ZHX3: variants seen among roughly 807,000 people sequenced by gnomAD.
ZHX3 encodes the protein zinc fingers and homeoboxes protein 3.
ZHX3 carries 20 observed loss-of-function variants against 64.5 expected under a neutral mutation model. That is an observed-to-expected ratio of 0.31 (90% CI 0.22 to 0.45). The LOEUF (loss-of-function observed/expected upper bound fraction) is 0.45. Ranked by LOEUF, ZHX3 falls within the 20% of genes least tolerant of loss-of-function variation. ZHX3 has a pLI of 1.00. For synonymous variants in ZHX3, 423 were observed against 461.6 expected, an observed-to-expected ratio of 0.92 and a Z score of 1.07; for missense variants, 1,041 against 1,195.8, an observed-to-expected ratio of 0.87 and a Z score of 1.91.
intron 1 of ZHX3, among the ~76,000 whole-genome samples, chr20:41,306,442 T>C (rs2044981315): frequency 6.6e-6 from 1 of 152,228 alleles, no homozygotes; most frequent in South Asian, 2.1e-4. Flanking sequence ...AAAGTGGGAC[T>C]AGACACCAGG....
intron 2 of ZHX3, among the ~76,000 whole-genome samples, chr20:41,206,417 A>C (rs2038714588): frequency 6.6e-6 from 1 of 152,192 alleles, no homozygotes; most frequent in African/African-American, 2.4e-5. Context: ...AAAAGATTAG[A>C]TGAATAGCTA....
At chr20:41,225,725 T>C (rs1238583041) in intron 2 of ZHX3, among the ~76,000 whole-genome samples, 1 of 152,166 alleles carries the variant, frequency 6.6e-6, no homozygotes, top group African/African-American at 2.4e-5. Context: ...TGACCTCAGG[T>C]GATCAGCCTG....
intron 2 of ZHX3, among the ~76,000 whole-genome samples, chr20:41,266,547 CTTTT>C (rs56086714): frequency 7.8e-5 from 11 of 140,726 alleles, no homozygotes; most frequent in Admixed American, 1.4e-4. Flanking sequence ...CCCAATCTTT[CTTTT>C]TTTTTTTTTT....
chr20:41,235,479 A>G (rs1392915400), intron 2 of ZHX3, among the ~76,000 whole-genome samples: 1 of 152,244 alleles, frequency 6.6e-6, no homozygotes, highest in Non-Finnish European at 1.5e-5. Context: ...ATGCAAATCA[A>G]TAAATGTAAT....
At chr20:41,187,076 A>C (rs910544244) in intron 3 of ZHX3, among the ~76,000 whole-genome samples, 20 of 152,088 alleles carry the variant, frequency 1.3e-4, no homozygotes, top group African/African-American at 4.6e-4. Flanking sequence ...TAATCTCAGC[A>C]CTTTGGGAGG....
At chr20:41,237,136 A>G (rs1488467644) in intron 2 of ZHX3, among the ~76,000 whole-genome samples, 1 of 152,166 alleles carries the variant, frequency 6.6e-6, no homozygotes. Context: ...AGGATCTGGA[A>G]AAATAGGAAC....
intron 2 of ZHX3, among the ~76,000 whole-genome samples, chr20:41,254,915 G>A (rs546278126): frequency 1.3e-5 from 2 of 152,196 alleles, no homozygotes; most frequent in African/African-American, 4.8e-5. Flanking sequence ...TGTGCTACAG[G>A]AAAGGTACTA....
intron 2 of ZHX3, among the ~76,000 whole-genome samples, chr20:41,262,822 G>GA (rs555233885): frequency 7.4e-4 from 111 of 150,224 alleles, no homozygotes; most frequent in Middle Eastern, 3.4e-3. Context: ...ATTAAGGGGT[G>GA]AAAAAAAAAT....
chr20:41,229,528 T>C (rs1323069910), intron 2 of ZHX3, among the ~76,000 whole-genome samples: 1 of 152,188 alleles, frequency 6.6e-6, no homozygotes, highest in African/African-American at 2.4e-5. Flanking sequence ...AACAGTGCAC[T>C]GAGTTCCCAA....
intron 2 of ZHX3, among the ~76,000 whole-genome samples, chr20:41,223,369 A>G (rs1171099448): frequency 1.3e-5 from 2 of 152,234 alleles, no homozygotes; most frequent in Non-Finnish European, 2.9e-5. Context: ...AAGGTAATCT[A>G]CTATCAGCAT....
rs2038586389 is a variant in ZHX3, at chr20:41,205,050, G to C, written c.-134C>G. 3 of 1,344,904 alleles carry C rather than the reference G, an allele frequency of 2.2e-6. No individual in the cohort carries two copies. Among genetic ancestry groups the C allele is most frequent in the African/African-American group, 1.5e-5 (1 of 67,444 alleles). The allele number at this position is 1,344,904 out of a possible 1,614,324, so 83.3% of individuals were successfully genotyped here. On this transcript the variant is annotated 5_prime_UTR_variant, in exon 3 of 4. Coordinates refer to ENST00000683867, the MANE Select transcript of ZHX3 (RefSeq NM_001384317.1). ...CTTTTTCAGTTGTTTGCAGAAAGCA[G>C]GTTTTCCCTATTCAATCTAAGGAAA...
intron 2 of ZHX3, among the ~76,000 whole-genome samples, chr20:41,227,900 C>T (rs1260872497): frequency 6.6e-6 from 1 of 152,054 alleles, no homozygotes; most frequent in African/African-American, 2.4e-5. Flanking sequence ...TAGAAAAGAT[C>T]CCCTAACTGG....
Position 41,203,032 on chromosome 20 carries a change from T to C in ZHX3, c.1885A>G (p.Ser629Gly). 4 of 1,614,148 alleles carry C rather than the reference T, an allele frequency of 2.5e-6. No homozygotes were observed. The highest frequency in any genetic ancestry group is 3.4e-6 in the Non-Finnish European group (4 of 1,180,022). Residue 629 changes from serine (S) to glycine (G), a missense_variant, in exon 3 of 4, where the codon AGC (serine) becomes GGC (glycine). This residue lies in a region of ZHX3 where 649 missense variants were observed against 739.8 expected (regional missense o/e 0.88). Transcript: ENST00000683867. This position sits in a 1 kb window ranked among gnomAD's most constrained non-coding sequence, Gnocchi z 7.1. ...GGAAGAGGGTTTTGTGCAAAACTGCTCTCCAGGGCTCTGAGCTGCTCAGGG... is the reference window on the plus strand; with the variant it reads ...GGAAGAGGGTTTTGTGCAAAACTGCCCTCCAGGGCTCTGAGCTGCTCAGGG... ...RAPEQLRALE[S>G]SFAQNPLPLD...
rs141162109 is a variant in ZHX3 at position 41,242,607 on chromosome 20, T to C, written c.-151+26383A>G. 3.3e-5 allele frequency among the ~76,000 whole-genome samples: 5 copies of C among 152,292 alleles called. No homozygotes were observed. The East Asian group carries it at 9.6e-4, about 29-fold the overall frequency. On this transcript the variant is annotated intron_variant, in intron 2 of 3. Transcript: ENST00000683867. Reference sequence around the variant, plus strand: ...CTGTCTGCTGGCCTCTGACCCATGATCTACTAGTGTACTATGTCTTTAGCC... The same window carrying C: ...CTGTCTGCTGGCCTCTGACCCATGACCTACTAGTGTACTATGTCTTTAGCC...
intron 2 of ZHX3, among the ~76,000 whole-genome samples, chr20:41,256,617 G>A (rs149488484): frequency 1.2e-4 from 18 of 149,294 alleles, no homozygotes; most frequent in African/African-American, 4.2e-4. Flanking sequence ...GAGCCCCTTC[G>A]GAGGTTTTCA....
intron 2 of ZHX3, among the ~76,000 whole-genome samples, chr20:41,213,217 G>A (rs1056341138): frequency 2.0e-5 from 3 of 152,178 alleles, no homozygotes; most frequent in South Asian, 4.1e-4. Context: ...AGAAGGGGGA[G>A]TGGCTGCTAA....
At chr20:41,298,326 T>C (rs1162612025) in intron 1 of ZHX3, among the ~76,000 whole-genome samples, 1 of 152,162 alleles carries the variant, frequency 6.6e-6, no homozygotes, top group East Asian at 1.9e-4. Context: ...GACACTACTA[T>C]TAACACAGGG....
At position 41,202,467 on chromosome 20, in the gene ZHX3, T is replaced by G; in HGVS notation, c.2450A>C (p.Tyr817Ser). ...EVVRWFGDSR[Y>S]ALKNGQLKWY... ...TTTGAGTTGGCCGTTCTTCAGTGCG[T>G]ACCTGCTATCTCCAAACCAGCGCAC... Residue 817 changes from tyrosine to serine, a missense_variant, in exon 3 of 4, where the codon TAC becomes TCC. Physicochemically the swap from Tyr to Ser is moderately radical, Grantham distance 144. Transcript: ENST00000683867. This position sits in a 1 kb window ranked among gnomAD's most constrained non-coding sequence, Gnocchi z 7.0. 1 of 1,614,196 alleles carries G rather than the reference T, an allele frequency of 6.2e-7. No homozygotes were observed.
At chr20:41,289,990 C>A (rs551231092) in intron 1 of ZHX3, among the ~76,000 whole-genome samples, 5 of 152,118 alleles carry the variant, frequency 3.3e-5, no homozygotes. Flanking sequence ...AAATAAGAGG[C>A]TTTCAAGATA....
Sources: gnomAD v4.1 joint callset for allele counts (sites outside exome capture counted in the v4.1 genomes callset) on GRCh38, gnomAD v4.1.1 for gene constraint, gnomAD v4.1.1 regional missense constraint, Gnocchi (gnomAD v3.1) non-coding constraint, MANE v1.5 for transcripts, NCBI Gene and HGNC (gene_info 2026-07-23, HGNC 2026-07-21) for gene names.